The following KRT6A variants were observed in gnomAD, a reference collection of about 807,000 sequenced individuals.
KRT6A encodes keratin, type II cytoskeletal 6A.
KRT6A carries 28 observed loss-of-function variants against 48.6 expected under a neutral mutation model. The observed-to-expected ratio is 0.58, with a 90% CI of 0.43 to 0.79. The LOEUF is 0.79. KRT6A is among the 30% of genes least tolerant of loss of function. KRT6A has a pLI of 0.00. For synonymous variants in KRT6A, 301 were observed against 294.2 expected, an observed-to-expected ratio of 1.02 and a Z score of -0.24; for missense variants, 687 against 724.3, an observed-to-expected ratio of 0.95 and a Z score of 0.59.
chr12:52,491,211 G>T, intron 2 of KRT6A, 39 bp from the exon 3 acceptor site: 1 of 1,613,124 alleles, frequency 6.2e-7, no homozygotes, highest in East Asian at 2.2e-5. Flanking sequence ...TGAGCCAGTG[G>T]GTAGGATGAA....
Position 52,493,071 on chromosome 12 carries a change from G to T in KRT6A, c.118C>A (p.Arg40Ser). 1 of 1,613,346 alleles carries T rather than the reference G, an allele frequency of 6.2e-7. No individual in the cohort carries two copies. The highest frequency in any genetic ancestry group is 8.5e-7 in the Non-Finnish European group (1 of 1,180,010). ...CCCAGGCCACCACTGCCCCTGGAGC[G>T]GGACACGGAGACGCTGCTGAAGCCA... ...RSGFSSVSVS[R>S]SRGSGGLGGA... Residue 40 changes from arginine (R) to serine (S), a missense_variant, in exon 1 of 9, where the codon CGC (arginine) becomes AGC (serine). Physicochemically the swap from Arg to Ser is moderately radical, Grantham distance 110. Around this residue, in one of 3 missense-constraint regions of KRT6A, gnomAD observed 72 missense variants for 61.8 expected, o/e 1.17. Transcript: ENST00000330722.
intron 5 of KRT6A, 27 bp from the exon 6 acceptor site, chr12:52,490,095 C>G (rs774164151): frequency 5.2e-5 from 84 of 1,613,702 alleles, no homozygotes; most frequent in Non-Finnish European, 6.8e-5. Flanking sequence ...GAGAGAGAGA[C>G]AGTGTCTACG....
chr12:52,487,278 C>T lies in KRT6A; in HGVS notation c.*442G>A, dbSNP rs1938159866. ...TACATCATAGGACTAGTCACTTGTG[C>T]TTTCATGGATACTGCCTGGGTGGGG... On this transcript the variant is annotated 3_prime_UTR_variant, in exon 9 of 9. Transcript: ENST00000330722. The T allele has an allele frequency of 1.6e-5, 4 of 248,516 alleles. No homozygotes were observed. The highest frequency in any genetic ancestry group is 1.5e-3 in the Middle Eastern group (1 of 656). 15.4% of individuals were successfully genotyped at this position (248,516 alleles called of 1,614,324 possible).
At chr12:52,490,836 G>A (rs745455343) in intron 4 of KRT6A, 22 bp downstream of exon 4, 4 of 1,614,090 alleles carry the variant, frequency 2.5e-6, no homozygotes. Flanking sequence ...AGAGTAAACA[G>A]AAGGATGGTG....
At position 52,492,788 on chromosome 12, in the gene KRT6A, C is replaced by A. The variant is rs1216748875; in HGVS notation, c.401G>T (p.Gly134Val). Residue 134 changes from glycine (G) to valine (V), a missense_variant, in exon 1 of 9, where the codon GGC (glycine) becomes GTC (valine). Physicochemically the swap from Gly to Val is moderately radical, Grantham distance 109. Transcript: ENST00000330722. ...GPGFPVCPPG[G>V]IQEVTVNQSL... is the part of the protein sequence containing the mutation. Reference sequence around the variant, plus strand: ...CTGGTTGACGGTGACCTCTTGGATGCCTCCAGGGGGGCACACAGGGAAGCC... The same window carrying A: ...CTGGTTGACGGTGACCTCTTGGATGACTCCAGGGGGGCACACAGGGAAGCC... 1 of 1,613,596 alleles carries A rather than the reference C, an allele frequency of 6.2e-7. No individual in the cohort carries two copies. Among genetic ancestry groups the A allele is most frequent in the Non-Finnish European group, 8.5e-7 (1 of 1,179,884 alleles).
Position 52,488,345 on chromosome 12 carries a change from C to T in KRT6A, c.1407G>A (p.Leu469=), listed in dbSNP as rs1938187659. The stretch of plus-strand genomic sequence containing the variant: ...TTACCCACCTGCACTCCTCACCCTC[C>T]AGCAGCTTGCGGTAGGTGGCGATCT... ...DVEIATYRKL[L]EGEECRLNGE... is the part of the protein sequence containing the mutation. The change falls in exon 7 of 9, where the codon CTG becomes CTA. Residue 469 remains leucine (L), a synonymous_variant. Coordinates refer to ENST00000330722, the MANE Select transcript of KRT6A (RefSeq NM_005554.4). The T allele has an allele frequency of 6.2e-7, 1 of 1,614,006 alleles. No individual in the cohort carries two copies. The highest frequency in any genetic ancestry group is 1.7e-5 in the Admixed American group (1 of 60,000).
rs776689308 is a variant in KRT6A at position 52,487,888 on chromosome 12, C to T, written c.1527G>A (p.Leu509=). 4 of 1,614,062 alleles carry T rather than the reference C, an allele frequency of 2.5e-6. No individual in the cohort carries two copies. The highest frequency in any genetic ancestry group is 2.5e-6 in the Non-Finnish European group (3 of 1,179,910). Residue 509 remains leucine, a synonymous_variant, in exon 9 of 9, where the codon CTG becomes CTA. Transcript: ENST00000330722. ...GASGVGSGLG[L]GGGSSYSYGS... ...CATAGGAGTAGCTGCTTCCTCCACC[C>T]AGGCCTAAGCCACTGCCGACACCAC...
chr12:52,491,664 T>C lies in KRT6A; in HGVS notation c.613A>G (p.Thr205Ala). The C allele has an allele frequency of 1.9e-6, 3 of 1,614,190 alleles. No homozygotes were observed. Among genetic ancestry groups the C allele is most frequent in the Non-Finnish European group, 2.5e-6 (3 of 1,180,038 alleles). ...WTLLQEQGTK[T>A]VRQNLEPLFE... ...AACGGCTCCAGGTTCTGCCTCACAG[T>C]CTTGGTGCCCTGCTCCTGCAGCAGG... The change falls in exon 2 of 9, where the codon ACT becomes GCT. Residue 205 changes from threonine (T) to alanine (A), a missense_variant. Thr to Ala is a moderately conservative substitution (Grantham distance 58, BLOSUM62 0). This residue lies in a region of KRT6A where 566 missense variants were observed against 565.3 expected (regional missense o/e 1.00). Coordinates refer to ENST00000330722, the MANE Select transcript of KRT6A (RefSeq NM_005554.4).
Position 52,489,367 on chromosome 12 carries a change from C to G in KRT6A, c.1203+576G>C, listed in dbSNP as rs550477235. ...GGTATCGACTCACTGCAACCTCCAC[C>G]TCCCAGGCTCAAGCGATTCTCCTGC... On this transcript the variant is annotated intron_variant, in intron 6 of 8. Coordinates refer to ENST00000330722, the MANE Select transcript of KRT6A (RefSeq NM_005554.4). Among the ~76,000 whole-genome samples, 4 of 152,172 alleles carry G rather than the reference C, an allele frequency of 2.6e-5. No individual in the cohort carries two copies. The East Asian group carries it at 7.7e-4, about 29-fold the overall frequency.
rs201046313 is a variant in KRT6A, at chr12:52,488,414, C to T, written c.1338G>A (p.Lys446=). 3.0e-5 allele frequency: 49 copies of T among 1,614,062 alleles called. No homozygotes were observed. The highest frequency in any genetic ancestry group is 3.8e-5 in the Non-Finnish European group (45 of 1,180,042). The part of the protein sequence containing the change: ...KAKQDLARLL[K]EYQELMNVKL... ...TGACATTCATCAGCTCCTGGTACTC[C>T]TTCAGCAGCCGGGCCAGGTCCTGCT... The change falls in exon 7 of 9, where the codon AAG becomes AAA. Residue 446 remains lysine (K), a synonymous_variant. Transcript: ENST00000330722.
At chr12:52,492,339 C>A (rs1192769224) in intron 1 of KRT6A, among the ~76,000 whole-genome samples, 1 of 152,178 alleles carries the variant, frequency 6.6e-6, no homozygotes, top group East Asian at 1.9e-4. Context: ...AGCCCGTGTA[C>A]TCCTGGCATT....
At chr12:52,492,182 T>C (rs535584061) in intron 1 of KRT6A, among the ~76,000 whole-genome samples, 3 of 152,388 alleles carry the variant, frequency 2.0e-5, no homozygotes, top group South Asian at 4.1e-4. Flanking sequence ...CCTGATGTTA[T>C]GGTCATTCTT....
At chr12:52,490,505 T>G in intron 5 of KRT6A, 64 bp downstream of exon 5, 1 of 1,613,770 alleles carries the variant, frequency 6.2e-7, no homozygotes, top group Non-Finnish European at 8.5e-7. Flanking sequence ...CAGTAAAGTC[T>G]GCAGTCCTCT....
Position 52,490,564 on chromosome 12 carries a change from C to T in KRT6A, c.1077+5G>A, listed in dbSNP as rs765082787. Reference sequence around the variant, plus strand: ...TTCCTCAGCGGCTGCCCACTCCCTGCTCACCTTGGTCTGGTACCAGGACTC... The same window carrying T: ...TTCCTCAGCGGCTGCCCACTCCCTGTTCACCTTGGTCTGGTACCAGGACTC... On this transcript the variant is annotated splice_donor_5th_base_variant and intron_variant, in intron 5 of 8. Coordinates refer to ENST00000330722, the MANE Select transcript of KRT6A (RefSeq NM_005554.4). The T allele has an allele frequency of 3.7e-6, 6 of 1,614,234 alleles. No individual in the cohort carries two copies. Among genetic ancestry groups the T allele is most frequent in the Non-Finnish European group, 5.1e-6 (6 of 1,180,048 alleles).
chr12:52,490,484 G>T, intron 5 of KRT6A, 85 bp downstream of exon 5: 1 of 1,607,288 alleles, frequency 6.2e-7, no homozygotes, highest in Non-Finnish European at 8.5e-7. Flanking sequence ...CTTCCTGTCA[G>T]GGGATGTCCC....
Position 52,487,559 on chromosome 12 carries a change from G to C in KRT6A, c.*161C>G, listed in dbSNP as rs181234451. The C allele has an allele frequency of 2.7e-5, 20 of 741,594 alleles. No homozygotes were observed. The highest frequency in any genetic ancestry group is 1.0e-4 in the Admixed American group (4 of 38,624). The allele number at this position is 741,594 out of a possible 1,614,324, so 45.9% of individuals were successfully genotyped here. ...GAGCAATGGGTGCTCAGATGGTATA[G>C]AGAGAGAGAGAAGAAGTGAGGGCAC... On this transcript the variant is annotated 3_prime_UTR_variant, in exon 9 of 9. Transcript: ENST00000330722.
At chr12:52,489,842 G>C (rs1387257881) in intron 6 of KRT6A, 101 bp downstream of exon 6, 1 of 1,590,932 alleles carries the variant, frequency 6.3e-7, no homozygotes, top group Non-Finnish European at 8.6e-7. Flanking sequence ...CCTCTCCCTG[G>C]TTTTGATAAG....
chr12:52,491,417 C>T (rs298122), intron 2 of KRT6A, 105 bp downstream of exon 2: 484,953 of 1,446,280 alleles, frequency 0.34, 86,731 homozygotes, highest in East Asian at 0.55. Flanking sequence ...TTCATTTCCA[C>T]GGACATGGGT....
chr12:52,491,042 A>G lies in KRT6A; in HGVS notation c.816+70T>C, dbSNP rs977981100. ...GTCTCCATGCCAATTCTCCTCTCCC[A>G]GGGGAGCGAGGACACAAAGCCACTT... On this transcript the variant is annotated intron_variant, in intron 3 of 8. Coordinates refer to ENST00000330722, the MANE Select transcript of KRT6A (RefSeq NM_005554.4). 1.9e-6 allele frequency: 3 copies of G among 1,613,618 alleles called. No individual in the cohort carries two copies. The African/African-American group carries it at 4.0e-5, about 22-fold the overall frequency.
Sources: gnomAD v4.1 joint callset for allele counts (sites outside exome capture counted in the v4.1 genomes callset) on GRCh38, gnomAD v4.1.1 for gene constraint, gnomAD v4.1.1 regional missense constraint, MANE v1.5 for transcripts, NCBI Gene and HGNC (gene_info 2026-07-23, HGNC 2026-07-21) for gene names.